E2F2: variants seen among roughly 807,000 people sequenced by gnomAD.
E2F2 encodes transcription factor E2F2.
A neutral mutation model predicts 42.2 loss-of-function variants in E2F2; 22 were observed. The observed-to-expected ratio is 0.52, with a 90% CI of 0.37 to 0.74. The LOEUF is 0.74. Among genes scored for constraint, E2F2 ranks in the 30% least tolerant of loss-of-function variants. E2F2 has a pLI of 0.00. For synonymous variants in E2F2, 248 were observed against 251.6 expected, an observed-to-expected ratio of 0.99 and a Z score of 0.13; for missense variants, 481 against 557.8, an observed-to-expected ratio of 0.86 and a Z score of 1.39.
intron 6 of E2F2, among the ~76,000 whole-genome samples, chr1:23,513,536 T>C (rs1339672686): frequency 6.6e-6 from 1 of 150,442 alleles, no homozygotes; most frequent in Non-Finnish European, 1.5e-5. Flanking sequence ...CTCAAAATGA[T>C]ACTATTTCAG....
rs558903149 is a variant in E2F2 at position 23,524,879 on chromosome 1, G to C, written c.253-391C>G. Reference sequence around the variant, plus strand: ...AGTGGGTGGGGCCTAAACCACATCAGGGTGGGGAAAGGGCCCCCCTACAGA... The same window carrying C: ...AGTGGGTGGGGCCTAAACCACATCACGGTGGGGAAAGGGCCCCCCTACAGA... On this transcript the variant is annotated intron_variant, in intron 1 of 6. Transcript: ENST00000361729. Among the ~76,000 whole-genome samples, 4 of 152,306 alleles carry C rather than the reference G, an allele frequency of 2.6e-5. No individual in the cohort carries two copies. In the South Asian group the frequency reaches 8.3e-4, roughly 32 times the overall value.
chr1:23,528,382 C>A (rs1432962570), intron 1 of E2F2, among the ~76,000 whole-genome samples: 1 of 152,206 alleles, frequency 6.6e-6, no homozygotes, highest in Admixed American at 6.5e-5. Flanking sequence ...GGGTTTGGAG[C>A]TGTTCCAGGT....
rs776847768 is a variant in E2F2 at position 23,530,641 on chromosome 1, C to T, written c.153G>A (p.Gln51=). The T allele has an allele frequency of 2.0e-5, 32 of 1,613,226 alleles. No homozygotes were observed. The South Asian group carries it at 3.4e-4, about 17-fold the overall frequency. The change falls in exon 1 of 7, where the codon CAG becomes CAA. Residue 51 remains glutamine, a synonymous_variant. Transcript: ENST00000361729. The surrounding 1 kb of genome is among the most constrained non-coding windows in gnomAD (Gnocchi z 4.4). ...TATYYTPLYP[Q]TAPPAAAPGT... is the part of the protein sequence containing the mutation. ...CTGGCGCCGCTGCGGGAGGCGCCGT[C>T]TGCGGGTACAGCGGTGTGTAGTAGG...
chr1:23,516,603 C>T (rs887014234), intron 5 of E2F2, 76 bp from the exon 6 acceptor site: 14 of 1,250,684 alleles, frequency 1.1e-5, no homozygotes, highest in Middle Eastern at 4.2e-4. Flanking sequence ...GACAGACGCA[C>T]GTGGCTGCTG....
Position 23,530,805 on chromosome 1 carries a change from C to T in E2F2, c.-12G>A, listed in dbSNP as rs752680772. 6.7e-6 allele frequency: 10 copies of T among 1,496,048 alleles called. No homozygotes were observed. Among genetic ancestry groups the T allele is most frequent in the Non-Finnish European group, 8.9e-6 (10 of 1,118,846 alleles). 92.7% of individuals were successfully genotyped at this position (1,496,048 alleles called of 1,614,324 possible). A position where few individuals can be genotyped will look rare whatever the true frequency, so the allele number is the denominator to read the frequency against. On this transcript the variant is annotated 5_prime_UTR_variant, in exon 1 of 7. Transcript: ENST00000361729. The surrounding 1 kb of genome is among the most constrained non-coding windows in gnomAD (Gnocchi z 4.4). ...GGCCCTTGCAGCATAGCGAGTAAGG[C>T]GCCCCCTACCCAAAAGGGCTTGGCG...
intron 1 of E2F2, among the ~76,000 whole-genome samples, chr1:23,528,994 CTTGAGCCCAGGAGT>C (rs1643294803): frequency 1.3e-5 from 2 of 152,274 alleles, no homozygotes; most frequent in African/African-American, 4.8e-5. Context: ...AAGAGGATTG[CTTGAGCCCAGGAGT>C]TTGAGACCAG....
At chr1:23,511,615 A>G (rs773448359) in intron 6 of E2F2, among the ~76,000 whole-genome samples, 1 of 152,288 alleles carries the variant, frequency 6.6e-6, no homozygotes, top group South Asian at 2.1e-4. Context: ...TGCCTGCCAC[A>G]TATATCCTGA....
chr1:23,529,674 G>T (rs945737152), intron 1 of E2F2, among the ~76,000 whole-genome samples: 2 of 152,188 alleles, frequency 1.3e-5, no homozygotes. Context: ...CTGAAGCCCA[G>T]ACTGGGTCCA....
chr1:23,510,259 C>T (rs775452581), intron 6 of E2F2, 111 bp from the exon 7 acceptor site: 19 of 1,421,146 alleles, frequency 1.3e-5, no homozygotes, highest in Non-Finnish European at 1.7e-5. Context: ...CTCTCCTTAG[C>T]CTGGGTGGAC....
chr1:23,510,289 A>C, intron 6 of E2F2, 141 bp from the exon 7 acceptor site: 1 of 1,364,418 alleles, frequency 7.3e-7, no homozygotes, highest in Non-Finnish European at 9.5e-7. Context: ...CTCAAAATCC[A>C]CCTTCCAGAG....
At chr1:23,527,707 C>T (rs530618173) in intron 1 of E2F2, among the ~76,000 whole-genome samples, 6 of 152,342 alleles carry the variant, frequency 3.9e-5, no homozygotes, top group East Asian at 1.9e-4. Context: ...TCTGCCACTT[C>T]GTAGCTGAAC....
rs1643130980 is a variant in E2F2, at chr1:23,520,944, TG to T, written c.705del (p.Phe235LeufsTer4). 1.2e-6 allele frequency: 2 copies of T among 1,607,448 alleles called. No individual in the cohort carries two copies. Among genetic ancestry groups the T allele is most frequent in the Non-Finnish European group, 1.7e-6 (2 of 1,176,900 alleles). ...TTGGCCTTGTCCTCAGTCAGGTGCT[TG>T]AAGCTCAGAGAGCAGCTCTGGATGA... Reference protein sequence around the residue: ...DQLIQSCSLSFKHLTEDKANK... With the variant: ...DQLIQSCSLSXKHLTEDKANK... On this transcript the variant is annotated frameshift_variant, in exon 4 of 7. Transcript: ENST00000361729. LOFTEE classifies it high-confidence loss of function.
At chr1:23,506,139 T>C (rs1264362605), downstream of E2F2, among the ~76,000 whole-genome samples, 4 of 152,022 alleles carry the variant, frequency 2.6e-5, no homozygotes, top group African/African-American at 4.8e-5. Context: ...GACCCACTGA[T>C]GTAGAGGGTG....
At position 23,521,070 on chromosome 1, in the gene E2F2, C is replaced by A; in HGVS notation, c.580G>T (p.Gly194Cys). The A allele has an allele frequency of 6.2e-7, 1 of 1,609,236 alleles. No individual in the cohort carries two copies. The highest frequency in any genetic ancestry group is 8.5e-7 in the Non-Finnish European group (1 of 1,177,868). ...GTGGGGTCTTCAAACATTCCCCTGC[C>A]TCTGGGAACAGAGCAGCCCCCCAGT... ...KKAKNNIQWV[G>C]RGMFEDPTRP... Residue 194 changes from glycine to cysteine, a missense_variant and splice_region_variant, in exon 4 of 7, where the codon GGC (glycine) becomes TGC (cysteine). Physicochemically the swap from Gly to Cys is radical, Grantham distance 159 (BLOSUM62 -3). Coordinates refer to ENST00000361729, the MANE Select transcript of E2F2 (RefSeq NM_004091.4).
chr1:23,531,088 C>A lies in E2F2; in HGVS notation c.-295G>T, dbSNP rs1021129610. 2.7e-5 allele frequency: 9 copies of A among 338,586 alleles called. No homozygotes were observed. Among genetic ancestry groups the A allele is most frequent in the Non-Finnish European group, 4.3e-5 (8 of 187,686 alleles). 21.0% of individuals were successfully genotyped at this position (338,586 alleles called of 1,614,324 possible). On this transcript the variant is annotated 5_prime_UTR_variant, in exon 1 of 7. Transcript: ENST00000361729. ...GGACGCCCCGCGCTCCCCAAGGCCT[C>A]GGCACCTGGGGTCCGGCCGGCTCTG...
intron 4 of E2F2, 92 bp from the exon 5 acceptor site, chr1:23,519,222 T>C (rs565325479): frequency 1.6e-5 from 12 of 770,610 alleles, no homozygotes; most frequent in African/African-American, 1.5e-4. Context: ...CTCCTAAGCC[T>C]CTGAACATTA....
Position 23,530,514 on chromosome 1 carries a change from G to A in E2F2, c.252+28C>T. Reference sequence around the variant, plus strand: ...TTTCCCACACCTGGAAAAGCATAGGGGGAAGCGGTGGGGGCCCCCAGCATT... The same window carrying A: ...TTTCCCACACCTGGAAAAGCATAGGAGGAAGCGGTGGGGGCCCCCAGCATT... On this transcript the variant is annotated intron_variant, in intron 1 of 6. Coordinates refer to ENST00000361729, the MANE Select transcript of E2F2 (RefSeq NM_004091.4). The surrounding 1 kb of genome is among the most constrained non-coding windows in gnomAD (Gnocchi z 4.4). 1.2e-6 allele frequency: 2 copies of A among 1,609,496 alleles called. No individual in the cohort carries two copies. The highest frequency in any genetic ancestry group is 2.2e-5 in the South Asian group (2 of 90,802).
intron 2 of E2F2, among the ~76,000 whole-genome samples, chr1:23,523,314 A>G (rs921432506): frequency 1.3e-5 from 2 of 151,884 alleles, no homozygotes; most frequent in African/African-American, 4.8e-5. Flanking sequence ...GCGCCACCAC[A>G]CCCGGCTAAT....
chr1:23,518,472 AAAAT>A (rs56023276), intron 5 of E2F2, among the ~76,000 whole-genome samples: 67,155 of 149,938 alleles, frequency 0.45, 18,109 homozygotes, highest in East Asian at 0.83. Context: ...CTCTGTCTCA[AAAAT>A]AAATAAATAA....
Sources: gnomAD v4.1 joint callset for allele counts (sites outside exome capture counted in the v4.1 genomes callset) on GRCh38, gnomAD v4.1.1 for gene constraint, Gnocchi (gnomAD v3.1) non-coding constraint, MANE v1.5 for transcripts, NCBI Gene and HGNC (gene_info 2026-07-23, HGNC 2026-07-21) for gene names.